GRHL3: variants seen among roughly 807,000 people sequenced by gnomAD.
GRHL3 encodes the protein grainyhead like transcription factor 3.
In GRHL3, 20 loss-of-function variants were observed where a neutral mutation model predicts 70.3. That is an observed-to-expected ratio of 0.28 (90% confidence interval 0.20 to 0.41). The LOEUF (loss-of-function observed/expected upper bound fraction) is 0.41, where lower values mean the gene tolerates loss of function less well. Ranked by LOEUF, GRHL3 falls within the 10% of genes least tolerant of loss-of-function variation. The pLI is 1.00. For synonymous variants in GRHL3, 299 were observed against 299.9 expected (o/e 1.00, Z 0.03); for missense variants, 637 against 762.3 (o/e 0.84, Z 1.94).
downstream of GRHL3, among the ~76,000 whole-genome samples, chr1:24,355,538 G>A (rs954774663): frequency 1.3e-5 from 2 of 152,206 alleles, no homozygotes. Context: ...GTGTTTGAAT[G>A]TTACAGCCTC....
At chr1:24,344,717 C>T (rs1287812429) in intron 11 of GRHL3, among the ~76,000 whole-genome samples, 180 bp from the exon 12 acceptor site, 1 of 151,946 alleles carries the variant, frequency 6.6e-6, no homozygotes, top group Non-Finnish European at 1.5e-5. Flanking sequence ...TGATTCCTTT[C>T]CACTCAACAT....
chr1:24,320,556 G>T (rs1318525318), intron 1 of GRHL3, among the ~76,000 whole-genome samples: 3 of 152,208 alleles, frequency 2.0e-5, no homozygotes, highest in Non-Finnish European at 4.4e-5. Context: ...CCTCAGAGGT[G>T]AGTGGGCAGA....
intron 2 of GRHL3, among the ~76,000 whole-genome samples, chr1:24,332,903 C>T (rs945498983): frequency 7.9e-5 from 12 of 152,192 alleles, no homozygotes; most frequent in African/African-American, 1.4e-4. Context: ...CCCTCCTCCC[C>T]GGCAGACTGG....
rs768472056 is a variant in GRHL3, at chr1:24,331,476, T to A, written c.68T>A (p.Phe23Tyr). 3.7e-6 allele frequency: 6 copies of A among 1,613,848 alleles called. No homozygotes were observed. Among genetic ancestry groups the A allele is most frequent in the Non-Finnish European group, 4.2e-6 (5 of 1,179,870 alleles). ...AACGACCCAGTCAACTTGCAGAAAT[T>A]CTCTTACACTAGTGAGGATGAGGCC... ...LKNDPVNLQK[F>Y]SYTSEDEAWK... Residue 23 changes from phenylalanine to tyrosine, a missense_variant, in exon 2 of 16, where the codon TTC becomes TAC. Coordinates refer to ENST00000361548, the MANE Select transcript of GRHL3 (RefSeq NM_198173.3).
intron 1 of GRHL3, among the ~76,000 whole-genome samples, chr1:24,325,486 G>A (rs528871138): frequency 1.3e-5 from 2 of 152,342 alleles, no homozygotes; most frequent in South Asian, 2.1e-4. Context: ...GTTCTCAACT[G>A]ATGGCTGAGA....
intron 1 of GRHL3, among the ~76,000 whole-genome samples, chr1:24,323,496 G>T (rs1208555475): frequency 6.6e-6 from 1 of 152,190 alleles, no homozygotes; most frequent in Non-Finnish European, 1.5e-5. Flanking sequence ...GAGTCAGCAG[G>T]CTGAGAGCTT....
At chr1:24,354,196 G>GGAGA (rs962055361) in intron 15 of GRHL3, among the ~76,000 whole-genome samples, 178 bp from the exon 16 acceptor site, 17 of 152,180 alleles carry the variant, frequency 1.1e-4, no homozygotes, top group South Asian at 8.3e-4. Flanking sequence ...GTGCAGTAAA[G>GGAGA]GAGACTGTGA....
chr1:24,343,602 G>A (rs1308416933), intron 11 of GRHL3, among the ~76,000 whole-genome samples: 1 of 152,132 alleles, frequency 6.6e-6, no homozygotes. Context: ...GGGACTGAGC[G>A]CCTGGCAGCC....
chr1:24,347,333 G>A, intron 13 of GRHL3, 135 bp from the exon 14 acceptor site: 1 of 751,834 alleles, frequency 1.3e-6, no homozygotes, highest in East Asian at 2.6e-5. Context: ...TGCAGAGCCG[G>A]CCAAAGGGCC....
Position 24,346,089 on chromosome 1 carries a change from C to T in GRHL3, c.1455-464C>T, listed in dbSNP as rs181654251. ...CACCGCAGCAGGACTGGACCCCAAG[C>T]CTGTCTTACTCCAAAGCCCCCAGTC... On this transcript the variant is annotated intron_variant, in intron 12 of 15. Coordinates refer to ENST00000361548, the MANE Select transcript of GRHL3 (RefSeq NM_198173.3). 6.3e-3 allele frequency among the ~76,000 whole-genome samples: 965 copies of T among 152,126 alleles called. 10 individuals carry two copies. Among genetic ancestry groups the T allele is most frequent in the African/African-American group, 0.022 (921 of 41,442 alleles).
chr1:24,348,679 C>T (rs1640387382), intron 14 of GRHL3, among the ~76,000 whole-genome samples: 2 of 152,220 alleles, frequency 1.3e-5, no homozygotes, highest in African/African-American at 4.8e-5. Context: ...CCCATGGTGT[C>T]TTTGTCCAAT....
At position 24,350,047 on chromosome 1, in the gene GRHL3, T is replaced by C; in HGVS notation, c.1630-11T>C. On this transcript the variant is annotated splice_polypyrimidine_tract_variant and intron_variant, in intron 14 of 15. Coordinates refer to ENST00000361548, the MANE Select transcript of GRHL3 (RefSeq NM_198173.3). ...GCAGCAGGCAATGAATCACCTGTCT[T>C]TTCCTTCCAGATCTCTGAGAAGTAT... The C allele has an allele frequency of 6.2e-7, 1 of 1,609,580 alleles. No individual in the cohort carries two copies. Among genetic ancestry groups the C allele is most frequent in the Non-Finnish European group, 8.5e-7 (1 of 1,176,394 alleles).
At chr1:24,336,410 C>G (rs564713365) in intron 3 of GRHL3, 72 bp from the exon 4 acceptor site, 1 of 989,546 alleles carries the variant, frequency 1.0e-6, no homozygotes, top group Non-Finnish European at 1.5e-6. Flanking sequence ...TGTCAGTTGC[C>G]TTGCACTCTA....
At position 24,346,604 on chromosome 1, in the gene GRHL3, G is replaced by A; in HGVS notation, c.1506G>A (p.Leu502=). The change falls in exon 13 of 16, where the codon CTG becomes CTA. Residue 502 remains leucine, a synonymous_variant. Coordinates refer to ENST00000361548, the MANE Select transcript of GRHL3 (RefSeq NM_198173.3). ...CSPFTEEFEP[L]PSKQAKEGDL... ...CCTTCACTGAGGAGTTTGAGCCTCT[G>A]CCCTCCAAGCAGGCCAAGGAAGGCG... 6.2e-7 allele frequency: 1 copy of A among 1,613,218 alleles called. No homozygotes were observed. The highest frequency in any genetic ancestry group is 8.5e-7 in the Non-Finnish European group (1 of 1,179,584).
intron 1 of GRHL3, 56 bp from the exon 2 acceptor site, chr1:24,331,370 A>C: frequency 6.6e-7 from 1 of 1,504,924 alleles, no homozygotes; most frequent in South Asian, 1.3e-5. Context: ...GCGGCTGCCC[A>C]TTCACGGACC....
In GRHL3 at chr1:24,336,588, G is replaced by T; in HGVS notation, c.373G>T (p.Asp125Tyr). 6.2e-7 allele frequency: 1 copy of T among 1,614,070 alleles called. No homozygotes were observed. The change falls in exon 4 of 16, where the codon GAT becomes TAT. Residue 125 changes from aspartate to tyrosine, a missense_variant. Transcript: ENST00000361548. ...ENVSGTPEYP[D>Y]LLKKNNLMSL... ...CGTGTCTGGAACCCCAGAGTACCCA[G>T]ATTTGCTCAAGAAGAATAACCTGAT...
At chr1:24,339,417 C>T (rs1038102154) in intron 7 of GRHL3, among the ~76,000 whole-genome samples, 2 of 152,102 alleles carry the variant, frequency 1.3e-5, no homozygotes, top group African/African-American at 2.4e-5. Flanking sequence ...GTAGCTGAGA[C>T]TACAGGCGCC....
At chr1:24,349,970 T>A in intron 14 of GRHL3, 88 bp from the exon 15 acceptor site, 1 of 952,506 alleles carries the variant, frequency 1.0e-6, no homozygotes, top group East Asian at 2.5e-5. Flanking sequence ...ACTTTTGTAA[T>A]CAGGAAGTAA....
intron 2 of GRHL3, among the ~76,000 whole-genome samples, chr1:24,332,788 AT>A (rs963106555): frequency 1.3e-5 from 2 of 152,228 alleles, no homozygotes; most frequent in African/African-American, 4.8e-5. Context: ...ATAAAGGCAA[AT>A]TCTTTGTTTG....
Sources: gnomAD v4.1 joint callset for allele counts (sites outside exome capture counted in the v4.1 genomes callset) on GRCh38, gnomAD v4.1.1 for gene constraint, MANE v1.5 for transcripts, NCBI Gene and HGNC (gene_info 2026-07-23, HGNC 2026-07-21) for gene names.